Variants in FAP observed in about 807,000 individuals in gnomAD.
FAP encodes the protein fibroblast activation protein alpha, also known as prolyl endopeptidase FAP.
Under a neutral mutation model 126.5 loss-of-function variants are expected in FAP, and 110 were observed. The ratio of observed to expected loss-of-function variants is 0.87; its 90% CI spans 0.74 to 1.02. The LOEUF (loss-of-function observed/expected upper bound fraction) is 1.02. FAP is among the 50% of genes least tolerant of loss of function. The pLI is 0.00. For synonymous variants in FAP, 334 were observed against 297.3 expected (o/e 1.12, Z -1.27); for missense variants, 919 against 909.2 (o/e 1.01, Z -0.14).
intron 17 of FAP, among the ~76,000 whole-genome samples, chr2:162,190,395 TACACAC>T (rs561098256): frequency 2.7e-5 from 4 of 150,402 alleles, no homozygotes; most frequent in East Asian, 3.9e-4. Context: ...ATATTGTGTA[TACACAC>T]ACACACACAC....
At chr2:162,241,626 A>G (rs1425139783) in intron 2 of FAP, among the ~76,000 whole-genome samples, 1 of 152,232 alleles carries the variant, frequency 6.6e-6, no homozygotes, top group Non-Finnish European at 1.5e-5. Context: ...ATGAATTAAC[A>G]TTCAAAGGAT....
chr2:162,219,142 T>A lies in FAP; in HGVS notation c.528A>T (p.Pro176=), dbSNP rs149065713. The A allele has an allele frequency of 1.9e-6, 3 of 1,607,526 alleles. No homozygotes were observed. The highest frequency in any genetic ancestry group is 1.7e-5 in the Admixed American group (1 of 59,702). The stretch of plus-strand genomic sequence containing the variant: ...ATGTTATTTGAAAAGGTGGATCTCC[T>A]GGTCTTTGTTTCAAATAGATATTGT... The part of the protein sequence containing the change: ...YQNNIYLKQR[P]GDPPFQITFN... The change falls in exon 8 of 26, where the codon CCA becomes CCT. Residue 176 remains proline, a synonymous_variant. Coordinates refer to ENST00000188790, the MANE Select transcript of FAP (RefSeq NM_004460.5).
intron 4 of FAP, 146 bp downstream of exon 4, chr2:162,225,336 GC>G: frequency 1.1e-6 from 1 of 923,984 alleles, no homozygotes. Context: ...AATGGGACTA[GC>G]AGACAGAACG....
chr2:162,195,029 C>T (rs1439841933), intron 16 of FAP: 1 of 419,828 alleles, frequency 2.4e-6, no homozygotes, highest in Non-Finnish European at 4.4e-6. Flanking sequence ...CACAAATGCA[C>T]CCCAGAAGCT....
chr2:162,203,143 G>A lies in FAP; in HGVS notation c.1050C>T (p.Phe350=). ...AGCTGAAAACTGGTGTTGAAACAAA[G>A]AACTGAAAAAAATTAGCAGAGGTTA... ...EESRTGWAGG[F]FVSTPVFSYD... is the part of the protein sequence containing the mutation. Residue 350 remains phenylalanine (F), a splice_region_variant and synonymous_variant, in exon 13 of 26, where the codon TTC becomes TTT. Coordinates refer to ENST00000188790, the MANE Select transcript of FAP (RefSeq NM_004460.5). 6.2e-7 allele frequency: 1 copy of A among 1,601,684 alleles called. No individual in the cohort carries two copies. The highest frequency in any genetic ancestry group is 8.5e-7 in the Non-Finnish European group (1 of 1,172,920).
At chr2:162,171,304 A>C in intron 25 of FAP, 3 of 417,576 alleles carry the variant, frequency 7.2e-6, no homozygotes, top group East Asian at 7.8e-5. Context: ...TTTAGATCTC[A>C]GTGGCTGAGA....
chr2:162,234,313 TA>T (rs1479226185), intron 2 of FAP, among the ~76,000 whole-genome samples: 1 of 152,208 alleles, frequency 6.6e-6, no homozygotes, highest in Non-Finnish European at 1.5e-5. Flanking sequence ...ATTGCCATCT[TA>T]AAAATATTGT....
chr2:162,172,221 A>G (rs1687332168), intron 25 of FAP: 2 of 152,222 alleles, frequency 1.3e-5, no homozygotes, highest in Admixed American at 1.3e-4. Flanking sequence ...TTTGGCTTTC[A>G]CTTTATTTTC....
At chr2:162,235,091 G>C (rs1220260307) in intron 2 of FAP, among the ~76,000 whole-genome samples, 1 of 151,902 alleles carries the variant, frequency 6.6e-6, no homozygotes, top group Non-Finnish European at 1.5e-5. Flanking sequence ...GGCAGGGCTC[G>C]GGACCTGCAG....
At chr2:162,195,191 C>T (rs996552645) in intron 16 of FAP, among the ~76,000 whole-genome samples, 1 of 152,108 alleles carries the variant, frequency 6.6e-6, no homozygotes, top group South Asian at 2.1e-4. Flanking sequence ...TGGGTAAAAT[C>T]GAGTATTTTT....
intron 10 of FAP, 57 bp from the exon 11 acceptor site, chr2:162,214,130 A>C: frequency 6.4e-7 from 1 of 1,562,744 alleles, no homozygotes; most frequent in Non-Finnish European, 8.7e-7. Context: ...ACACACAAAT[A>C]ATTTCTTAAT....
At position 162,213,987 on chromosome 2, in the gene FAP, A is replaced by G; in HGVS notation, c.953T>C (p.Leu318Pro). ...WLKRVQNVSV[L>P]SICDFREDWQ... ...GTCTTCCCTGAAGTCACATATAGAC[A>G]GGACCGAAACATTCTGGACTCTTTT... The change falls in exon 11 of 26, where the codon CTG (leucine) becomes CCG (proline). Residue 318 changes from leucine to proline, a missense_variant. By Grantham distance (98) the Leu-to-Pro change is moderately conservative (BLOSUM62 -3). Transcript: ENST00000188790. The G allele has an allele frequency of 6.2e-7, 1 of 1,614,132 alleles. No individual in the cohort carries two copies. Among genetic ancestry groups the G allele is most frequent in the Non-Finnish European group, 8.5e-7 (1 of 1,179,992 alleles).
intron 22 of FAP, among the ~76,000 whole-genome samples, chr2:162,174,564 C>T (rs1166534247): frequency 6.6e-6 from 1 of 152,118 alleles, no homozygotes; most frequent in African/African-American, 2.4e-5. Flanking sequence ...TATGCTGTAG[C>T]TGTGTGCCTG....
chr2:162,243,228 C>T, intron 1 of FAP, 94 bp downstream of exon 1: 1 of 1,035,874 alleles, frequency 9.7e-7, no homozygotes, highest in South Asian at 1.4e-5. Flanking sequence ...TACTTATGTA[C>T]AAATCTTCAC....
At chr2:162,229,259 G>A (rs1689792797) in intron 2 of FAP, among the ~76,000 whole-genome samples, 1 of 152,074 alleles carries the variant, frequency 6.6e-6, no homozygotes, top group South Asian at 2.1e-4. Context: ...CTAGCTCTAT[G>A]TGTGGCACAT....
intron 15 of FAP, among the ~76,000 whole-genome samples, chr2:162,199,948 T>A (rs1472928706): frequency 3.3e-5 from 5 of 152,190 alleles, no homozygotes; most frequent in African/African-American, 1.2e-4. Flanking sequence ...CAGGTACAAA[T>A]CCTGGCTCCA....
intron 20 of FAP, chr2:162,183,730 C>A (rs139243469): frequency 1.7e-5 from 5 of 301,948 alleles, no homozygotes; most frequent in Non-Finnish European, 3.0e-5. Context: ...GTAGTCTAAT[C>A]GTGGGGGTGT....
chr2:162,170,910 T>C lies in FAP; in HGVS notation c.*69A>G, dbSNP rs2106207995. 8.7e-7 allele frequency: 1 copy of C among 1,146,602 alleles called. No homozygotes were observed. Among genetic ancestry groups the C allele is most frequent in the Non-Finnish European group, 1.3e-6 (1 of 775,998 alleles). 71.0% of individuals were successfully genotyped at this position (1,146,602 alleles called of 1,614,324 possible). On this transcript the variant is annotated 3_prime_UTR_variant, in exon 26 of 26. Coordinates refer to ENST00000188790, the MANE Select transcript of FAP (RefSeq NM_004460.5). ...GCATTTTACAACATAAAAAATAAAATAAGCAAACTGTCTGAGGGGTTTATA... is the reference window on the plus strand; with the variant it reads ...GCATTTTACAACATAAAAAATAAAACAAGCAAACTGTCTGAGGGGTTTATA...
At chr2:162,222,323 G>A (rs1689440211) in intron 6 of FAP, among the ~76,000 whole-genome samples, 1 of 152,100 alleles carries the variant, frequency 6.6e-6, no homozygotes, top group African/African-American at 2.4e-5. Context: ...CACATAGAAG[G>A]GGCTCAATAA....
Sources: allele counts gnomAD v4.1 joint callset (sites outside exome capture counted in the v4.1 genomes callset), GRCh38; gene constraint gnomAD v4.1.1; transcripts MANE v1.5; gene names NCBI Gene and HGNC (gene_info 2026-07-23, HGNC 2026-07-21).